The following ABCA13 variants were observed in gnomAD, a reference collection of about 807,000 sequenced individuals.
The protein encoded by ABCA13 is ATP binding cassette subfamily A member 13, also known as ATP-binding cassette sub-family A member 13.
In ABCA13, 476 loss-of-function variants were observed where a neutral mutation model predicts 478.7. The observed-to-expected ratio is 0.99, with a 90% CI of 0.92 to 1.07. The LOEUF is 1.07. Ranked by LOEUF, ABCA13 falls within the 50% of genes least tolerant of loss-of-function variation. ABCA13 has a pLI of 0.00. For missense variants in ABCA13, 6,060 were observed against 5,910.6 expected, an observed-to-expected ratio of 1.03 and a Z score of -0.83; for synonymous variants, 2,252 against 2,158.9, an observed-to-expected ratio of 1.04 and a Z score of -1.20.
intron 48 of ABCA13, among the ~76,000 whole-genome samples, chr7:48,496,283 A>G (rs1184654591): frequency 6.6e-6 from 1 of 152,044 alleles, no homozygotes; most frequent in Non-Finnish European, 1.5e-5. Context: ...TAGGTGTTAT[A>G]ATACATATAT....
At chr7:48,233,469 T>C (rs1789472202) in intron 7 of ABCA13, among the ~76,000 whole-genome samples, 1 of 152,166 alleles carries the variant, frequency 6.6e-6, no homozygotes, top group African/African-American at 2.4e-5. Context: ...GTTTTTTGGG[T>C]AGCTCATGAA....
chr7:48,272,522 C>T lies in ABCA13; in HGVS notation c.2856C>T (p.Val952=), dbSNP rs1795754591. The T allele has an allele frequency of 1.2e-6, 2 of 1,613,764 alleles. No homozygotes were observed. The highest frequency in any genetic ancestry group is 4.5e-5 in the East Asian group (2 of 44,860). Residue 952 remains valine (V), a synonymous_variant, in exon 17 of 62, where the codon GTC becomes GTT. Coordinates refer to ENST00000435803, the MANE Select transcript of ABCA13 (RefSeq NM_152701.5). ...TTTTGACTCACATACACCTAAATGT[C>T]TTCCAGGACAAGGATTCAGCTTTAC... The part of the protein sequence containing the change: ...DKILTHIHLN[V]FQDKDSALLL...
chr7:48,222,812 A>C (rs138045586), intron 5 of ABCA13, among the ~76,000 whole-genome samples: 1 of 152,276 alleles, frequency 6.6e-6, no homozygotes, highest in Non-Finnish European at 1.5e-5. Flanking sequence ...CTATCTGAAT[A>C]ATCTGAGCAG....
At chr7:48,419,371 C>T (rs1174470758) in intron 41 of ABCA13, among the ~76,000 whole-genome samples, 1 of 152,172 alleles carries the variant, frequency 6.6e-6, no homozygotes, top group African/African-American at 2.4e-5. Flanking sequence ...CAGTCTTCCT[C>T]CTCTTTGCCC....
chr7:48,470,202 A>G (rs896246041), intron 44 of ABCA13, among the ~76,000 whole-genome samples: 3 of 152,202 alleles, frequency 2.0e-5, no homozygotes, highest in South Asian at 2.1e-4. Flanking sequence ...ACAGCTTCTT[A>G]GTGAATCTGT....
intron 59 of ABCA13, among the ~76,000 whole-genome samples, chr7:48,632,593 A>T (rs1385655547): frequency 6.6e-6 from 1 of 151,940 alleles, no homozygotes; most frequent in African/African-American, 2.4e-5. Context: ...TCTTTTTTGT[A>T]TTAACTGTGT....
chr7:48,524,415 T>C lies in ABCA13; in HGVS notation c.14219T>C (p.Ile4740Thr), dbSNP rs780731370. 3.1e-6 allele frequency: 5 copies of C among 1,610,984 alleles called. No homozygotes were observed. The highest frequency in any genetic ancestry group is 2.7e-5 in the African/African-American group (2 of 74,742). The change falls in exon 54 of 62, where the codon ATT (isoleucine) becomes ACT (threonine). Residue 4740 changes from isoleucine to threonine, a missense_variant. Ile to Thr is a moderately conservative substitution (Grantham distance 89, BLOSUM62 -1). Around this residue, in one of 3 missense-constraint regions of ABCA13, gnomAD observed 1,627 missense variants for 1,571.0 expected, o/e 1.04. Coordinates refer to ENST00000435803, the MANE Select transcript of ABCA13 (RefSeq NM_152701.5). ...FFQNIIAVQD[I>T]SLGIPKGECF... ...CAGAATATTATTGCTGTGCAAGATA[T>C]TAGTTTGGGCATACCAAAAGGAGAG...
At chr7:48,373,323 C>T (rs1043090705) in intron 33 of ABCA13, among the ~76,000 whole-genome samples, 1 of 152,122 alleles carries the variant, frequency 6.6e-6, no homozygotes, top group South Asian at 2.1e-4. Flanking sequence ...TTCATGACGG[C>T]CCCAGTGCTT....
chr7:48,574,497 C>T (rs1216554219), intron 55 of ABCA13, among the ~76,000 whole-genome samples: 1 of 152,018 alleles, frequency 6.6e-6, no homozygotes, highest in Non-Finnish European at 1.5e-5. Flanking sequence ...AGATTTGTGT[C>T]TTGATTTCCC....
chr7:48,560,219 A>G (rs1209157231), intron 55 of ABCA13, among the ~76,000 whole-genome samples: 1 of 152,186 alleles, frequency 6.6e-6, no homozygotes, highest in African/African-American at 2.4e-5. Flanking sequence ...ACTCCCCTCC[A>G]GCTAGGGCTG....
At chr7:48,227,574 C>T (rs1278115731) in intron 6 of ABCA13, 149 bp downstream of exon 6, 23 of 873,552 alleles carry the variant, frequency 2.6e-5, no homozygotes, top group South Asian at 1.4e-4. Context: ...TGCACCTCCA[C>T]GAACGTCCCT....
At chr7:48,484,945 A>G (rs778562255) in intron 47 of ABCA13, among the ~76,000 whole-genome samples, 1 of 152,244 alleles carries the variant, frequency 6.6e-6, no homozygotes, top group Non-Finnish European at 1.5e-5. Context: ...CCCTTAGGCT[A>G]CATTCATCGA....
chr7:48,475,255 G>A (rs1827954089), intron 45 of ABCA13, among the ~76,000 whole-genome samples: 1 of 152,072 alleles, frequency 6.6e-6, no homozygotes, highest in African/African-American at 2.4e-5. Context: ...AATGGGTGTG[G>A]CTACTCTTTG....
At chr7:48,517,166 G>A (rs1023459543) in intron 52 of ABCA13, among the ~76,000 whole-genome samples, 2 of 152,176 alleles carry the variant, frequency 1.3e-5, no homozygotes, top group Admixed American at 1.3e-4. Context: ...CGCATCCCTA[G>A]CATTTTCATC....
chr7:48,478,382 T>C (rs1828382929), intron 45 of ABCA13, among the ~76,000 whole-genome samples: 1 of 151,112 alleles, frequency 6.6e-6, no homozygotes, highest in South Asian at 2.1e-4. Context: ...GTACTTATTG[T>C]AGGGGCACAG....
intron 55 of ABCA13, among the ~76,000 whole-genome samples, chr7:48,553,077 C>G (rs1330483267): frequency 6.6e-6 from 1 of 151,998 alleles, no homozygotes; most frequent in African/African-American, 2.4e-5. Flanking sequence ...TGAAGTTTGT[C>G]TTTCTGTACT....
intron 15 of ABCA13, among the ~76,000 whole-genome samples, chr7:48,260,682 T>C (rs374991848): frequency 6.6e-6 from 1 of 152,028 alleles, no homozygotes; most frequent in Admixed American, 6.6e-5. Context: ...ATTAATATGG[T>C]AAAAACGTTA....
chr7:48,479,678 A>G (rs1239828539), intron 45 of ABCA13, among the ~76,000 whole-genome samples: 1 of 151,994 alleles, frequency 6.6e-6, no homozygotes, highest in East Asian at 1.9e-4. Context: ...TCACCATTTT[A>G]CTCTCTGTTC....
In ABCA13 at chr7:48,352,271, A is replaced by G; in HGVS notation, c.10472A>G (p.Asn3491Ser). 6.2e-7 allele frequency: 1 copy of G among 1,613,804 alleles called. No homozygotes were observed. The highest frequency in any genetic ancestry group is 8.5e-7 in the Non-Finnish European group (1 of 1,179,858). Residue 3491 changes from asparagine (N) to serine (S), a missense_variant, in exon 31 of 62, where the codon AAT (asparagine) becomes AGT (serine). Physicochemically the swap from Asn to Ser is conservative, Grantham distance 46. Transcript: ENST00000435803. ...PPHVSYTIRT[N>S]VLYSVRTDVV... ...CATGTCTCATACACAATCCGGACCAATGTGTTATACAGCGTGCGAACAGAT... is the reference window on the plus strand; with the variant it reads ...CATGTCTCATACACAATCCGGACCAGTGTGTTATACAGCGTGCGAACAGAT...
Sources: gnomAD v4.1 joint callset for allele counts (sites outside exome capture counted in the v4.1 genomes callset) on GRCh38, gnomAD v4.1.1 for gene constraint, gnomAD v4.1.1 regional missense constraint, MANE v1.5 for transcripts, NCBI Gene and HGNC (gene_info 2026-07-23, HGNC 2026-07-21) for gene names.